The following PRH1 variants were observed in gnomAD, a reference collection of about 807,000 sequenced individuals.
PRH1 encodes the protein proline rich protein HaeIII subfamily 1.
In PRH1, 7 loss-of-function variants were observed where a neutral mutation model predicts 7.9. That is an observed-to-expected ratio of 0.89 (90% CI 0.50 to 1.67). The LOEUF is 1.67. Ranked by LOEUF, PRH1 falls within the 40% of genes most tolerant of loss-of-function variation. The pLI is 0.00. For synonymous variants in PRH1, 45 were observed against 80.8 expected (o/e 0.56, Z 2.38); for missense variants, 109 against 223.6 (o/e 0.49, Z 3.27).
At chr12:11,083,530 TAAC>T (rs1169708689) in intron 1 of PRH1, among the ~76,000 whole-genome samples, 1 of 31,452 alleles carries the variant, frequency 3.2e-5, no homozygotes, top group Non-Finnish European at 8.1e-5. Context: ...TTGTGAAACA[TAAC>T]ATACATATAT....
rs544855087 is a variant in PRH1 at position 11,100,191 on chromosome 12, C to T, written n.124-53003G>A. On this transcript the variant is annotated intron_variant and non_coding_transcript_variant, in intron 1 of 4. Transcript: ENST00000541977. ...GAACCAAAACAAAAATGGGAAATAC[C>T]GGAATGCATCATAAACAGTCAACTA... Among the ~76,000 whole-genome samples, 22 of 152,022 alleles carry T rather than the reference C, an allele frequency of 1.4e-4. No homozygotes were observed. The South Asian group carries it at 2.7e-3, about 19-fold the overall frequency.
chr12:10,900,460 G>C (rs1949707242), intron 2 of PRH1, among the ~76,000 whole-genome samples: 1 of 152,186 alleles, frequency 6.6e-6, no homozygotes, highest in Admixed American at 6.5e-5. Flanking sequence ...TCTTGGGCCA[G>C]ATATTGGAGC....
intron 1 of PRH1, among the ~76,000 whole-genome samples, chr12:11,069,846 T>A (rs68154289): frequency 6.6e-6 from 1 of 151,208 alleles, no homozygotes; most frequent in East Asian, 1.9e-4. Context: ...AATTCAATAA[T>A]TGAAGGGAAG....
chr12:11,171,599 T>A, upstream of PRH1: 1 of 1,220,282 alleles, frequency 8.2e-7, no homozygotes, highest in Non-Finnish European at 1.0e-6. Context: ...GGGGCCAGCA[T>A]GATGGCCGAC....
At chr12:11,130,263 T>C (rs1329145904) in intron 1 of PRH1, among the ~76,000 whole-genome samples, 1 of 149,260 alleles carries the variant, frequency 6.7e-6, no homozygotes, top group African/African-American at 2.5e-5. Flanking sequence ...CAGAAGAAAA[T>C]AGATAAATCA....
At chr12:10,882,013 A>T (rs1175203851) in intron 3 of PRH1, among the ~76,000 whole-genome samples, 2 of 152,220 alleles carry the variant, frequency 1.3e-5, no homozygotes, top group African/African-American at 4.8e-5. Context: ...TGATTCTCAA[A>T]ATCAGAATTG....
At chr12:11,062,327 C>T (rs769362431) in intron 1 of PRH1, 1 of 1,560,724 alleles carries the variant, frequency 6.4e-7, no homozygotes, top group Non-Finnish European at 8.6e-7. Flanking sequence ...TTTTAAAATG[C>T]TGGTGTAATA....
intron 2 of PRH1, among the ~76,000 whole-genome samples, chr12:10,912,296 C>A (rs549726458): frequency 3.3e-5 from 5 of 152,124 alleles, no homozygotes; most frequent in Non-Finnish European, 7.4e-5. Context: ...TGATCTTGAT[C>A]TGGAACCATT....
At chr12:10,920,751 T>A (rs1352825964) in intron 2 of PRH1, among the ~76,000 whole-genome samples, 1 of 152,130 alleles carries the variant, frequency 6.6e-6, no homozygotes, top group African/African-American at 2.4e-5. Flanking sequence ...TTTGTCAAAG[T>A]GTATTAGTTA....
intron 1 of PRH1, among the ~76,000 whole-genome samples, chr12:11,150,583 C>T (rs1947045752): frequency 6.6e-6 from 1 of 152,052 alleles, no homozygotes; most frequent in Non-Finnish European, 1.5e-5. Context: ...AAAAACCAAA[C>T]ACTGCATGTT....
intron 2 of PRH1, chr12:10,929,344 C>T (rs371159821): frequency 5.8e-5 from 93 of 1,613,620 alleles, no homozygotes; most frequent in Non-Finnish European, 7.6e-5. Context: ...GAAGGTAAGC[C>T]GAATTGGGGG....
intron 2 of PRH1, among the ~76,000 whole-genome samples, chr12:10,963,562 C>T (rs1033048341): frequency 2.6e-5 from 4 of 152,002 alleles, no homozygotes; most frequent in African/African-American, 4.8e-5. Context: ...AGGAAAGAAA[C>T]GGAAATATTT....
chr12:11,086,347 A>G (rs564494928), intron 1 of PRH1, among the ~76,000 whole-genome samples: 1 of 116,212 alleles, frequency 8.6e-6, no homozygotes, highest in South Asian at 2.4e-4. Flanking sequence ...AACGTGTTCC[A>G]TTGAAGAGTC....
At chr12:11,088,762 T>C (rs1944791647) in intron 1 of PRH1, among the ~76,000 whole-genome samples, 1 of 115,508 alleles carries the variant, frequency 8.7e-6, no homozygotes, top group African/African-American at 2.9e-5. Flanking sequence ...TGCTCCAAGC[T>C]GCTCTGGCCA....
chr12:11,086,321 C>T (rs1448390442), intron 1 of PRH1, among the ~76,000 whole-genome samples: 8 of 121,486 alleles, frequency 6.6e-5, no homozygotes, highest in Middle Eastern at 3.8e-3. Flanking sequence ...TATAACTATT[C>T]CTCGGACACT....
chr12:11,061,898 G>A, intron 1 of PRH1: 1 of 1,613,190 alleles, frequency 6.2e-7, no homozygotes, highest in Non-Finnish European at 8.5e-7. Context: ...GGCCCCAATA[G>A]TATCACCAGA....
At chr12:11,012,057 T>C (rs1033888170) in intron 1 of PRH1, among the ~76,000 whole-genome samples, 1 of 152,140 alleles carries the variant, frequency 6.6e-6, no homozygotes, top group African/African-American at 2.4e-5. Flanking sequence ...TAAATATGAA[T>C]TGTTTAATTA....
chr12:11,073,220 C>A lies in PRH1; in HGVS notation n.124-26032G>T, dbSNP rs543244071. Among the ~76,000 whole-genome samples the A allele has an allele frequency of 2.5e-5, 3 of 122,300 alleles. 1 individual carries two copies. The highest frequency in any genetic ancestry group is 5.8e-5 in the Non-Finnish European group (3 of 52,146). 80.2% of individuals were successfully genotyped at this position (122,300 alleles called of 152,430 possible). A position where few individuals can be genotyped will look rare whatever the true frequency, so the allele number is the denominator to read the frequency against. ...CATCTCGGCTCACTGCAAACTTCGC[C>A]TCCTGGGTTCAATCAGTTCAAATCC... On this transcript the variant is annotated intron_variant and non_coding_transcript_variant, in intron 1 of 4. Coordinates refer to the PRH1 transcript ENST00000541977.
chr12:10,954,838 G>A (rs1937873001), intron 2 of PRH1, among the ~76,000 whole-genome samples: 1 of 152,018 alleles, frequency 6.6e-6, no homozygotes, highest in African/African-American at 2.4e-5. Flanking sequence ...GAAACAGAAG[G>A]GCATTGCATA....
Sources: allele counts gnomAD v4.1 joint callset (sites outside exome capture counted in the v4.1 genomes callset), GRCh38; gene constraint gnomAD v4.1.1; transcripts MANE v1.5; gene names NCBI Gene and HGNC (gene_info 2026-07-23, HGNC 2026-07-21).